DDHD1: variants seen among roughly 807,000 people sequenced by gnomAD.
DDHD1 encodes the protein DDHD domain containing 1, also known as phospholipase DDHD1.
In DDHD1, 49 loss-of-function variants were observed where a neutral mutation model predicts 96.4. The observed-to-expected ratio is 0.51, with a 90% CI of 0.40 to 0.64. The LOEUF (loss-of-function observed/expected upper bound fraction) is 0.64. Among genes scored for constraint, DDHD1 ranks in the 30% least tolerant of loss-of-function variants. DDHD1 has a pLI of 0.00. For missense variants in DDHD1, 1,106 were observed against 1,161.2 expected, an observed-to-expected ratio of 0.95 and a Z score of 0.69; for synonymous variants, 442 against 446.5, an observed-to-expected ratio of 0.99 and a Z score of 0.13.
intron 1 of DDHD1, among the ~76,000 whole-genome samples, chr14:53,139,894 G>A (rs142616972): frequency 4.1e-5 from 6 of 147,344 alleles, no homozygotes; most frequent in African/African-American, 1.5e-4. Context: ...GCCCACAGAT[G>A]CTGGAACTAT....
chr14:53,133,551 C>T (rs531712490), intron 1 of DDHD1, among the ~76,000 whole-genome samples: 1 of 152,278 alleles, frequency 6.6e-6, no homozygotes, highest in East Asian at 1.9e-4. Flanking sequence ...TTTAAAGACA[C>T]ACCTCACCAA....
chr14:53,073,225 G>C (rs2139915352), intron 5 of DDHD1, among the ~76,000 whole-genome samples: 1 of 152,034 alleles, frequency 6.6e-6, no homozygotes, highest in Middle Eastern at 3.4e-3. Context: ...CAACTAAACT[G>C]ATTTTATTTA....
intron 4 of DDHD1, among the ~76,000 whole-genome samples, chr14:53,081,326 CAT>C: frequency 6.6e-6 from 1 of 152,268 alleles, no homozygotes; most frequent in Middle Eastern, 3.4e-3. Flanking sequence ...CAAGGAAGAA[CAT>C]ATTTAAAAAT....
At chr14:53,096,189 G>A (rs768132404) in intron 2 of DDHD1, 8 of 985,100 alleles carry the variant, frequency 8.1e-6, no homozygotes, top group Admixed American at 6.2e-5. Flanking sequence ...AACAGAGAAG[G>A]GAGGGAGAAG....
chr14:53,059,785 A>T (rs1883383738), intron 8 of DDHD1, among the ~76,000 whole-genome samples: 2 of 145,728 alleles, frequency 1.4e-5, no homozygotes, highest in South Asian at 4.5e-4. Context: ...AATCACTTGA[A>T]TCGGAGGGGC....
intron 2 of DDHD1, among the ~76,000 whole-genome samples, chr14:53,101,171 G>A (rs1887266742): frequency 6.6e-6 from 1 of 152,204 alleles, no homozygotes; most frequent in African/African-American, 2.4e-5. Context: ...AGAGCTAACA[G>A]TAAATTAAAA....
intron 1 of DDHD1, among the ~76,000 whole-genome samples, chr14:53,123,676 T>C (rs1010862150): frequency 2.0e-5 from 3 of 152,066 alleles, no homozygotes; most frequent in African/African-American, 4.8e-5. Flanking sequence ...AATGAGACTG[T>C]TTACATAAAG....
chr14:53,122,670 T>C (rs985192467), intron 1 of DDHD1, among the ~76,000 whole-genome samples: 3 of 151,466 alleles, frequency 2.0e-5, no homozygotes, highest in South Asian at 2.1e-4. Flanking sequence ...GCAGTTCTCC[T>C]GCCTTAGCCT....
intron 1 of DDHD1, among the ~76,000 whole-genome samples, chr14:53,144,291 T>C (rs1456900510): frequency 6.6e-6 from 1 of 152,254 alleles, no homozygotes; most frequent in Non-Finnish European, 1.5e-5. Context: ...ATAATAGTGA[T>C]TGGCTATACA....
chr14:53,056,403 A>G (rs921505910), intron 9 of DDHD1, among the ~76,000 whole-genome samples: 1 of 152,204 alleles, frequency 6.6e-6, no homozygotes, highest in African/African-American at 2.4e-5. Context: ...ACGGCATCAG[A>G]ATCCCCCAAA....
chr14:53,055,034 T>G (rs1046628970), intron 10 of DDHD1, among the ~76,000 whole-genome samples: 1 of 152,202 alleles, frequency 6.6e-6, no homozygotes, highest in African/African-American at 2.4e-5. Flanking sequence ...AACAATGTAT[T>G]AACATGAGAA....
intron 2 of DDHD1, chr14:53,103,006 A>T: frequency 6.4e-7 from 1 of 1,552,852 alleles, no homozygotes; most frequent in South Asian, 1.2e-5. Context: ...TACAAATTCT[A>T]ATCTACCTGT....
intron 2 of DDHD1, among the ~76,000 whole-genome samples, chr14:53,099,126 C>G (rs1174188627): frequency 6.6e-6 from 1 of 151,434 alleles, no homozygotes; most frequent in Non-Finnish European, 1.5e-5. Flanking sequence ...ATTTTAATTC[C>G]TCTACTAGAC....
chr14:53,148,352 G>A (rs141440113), intron 1 of DDHD1, among the ~76,000 whole-genome samples: 9 of 150,610 alleles, frequency 6.0e-5, no homozygotes, highest in Non-Finnish European at 2.9e-5. Context: ...TGCTCTTGTC[G>A]CCCAGGCTGG....
intron 1 of DDHD1, among the ~76,000 whole-genome samples, chr14:53,151,367 C>A (rs373728595): frequency 5.3e-5 from 8 of 152,282 alleles, no homozygotes; most frequent in African/African-American, 1.9e-4. Flanking sequence ...TATTGAATAT[C>A]TCCTATATAT....
intron 4 of DDHD1, among the ~76,000 whole-genome samples, chr14:53,082,940 A>G (rs1456858410): frequency 2.6e-5 from 4 of 152,092 alleles, no homozygotes; most frequent in African/African-American, 9.7e-5. Flanking sequence ...TATAGCATGC[A>G]CCTTTTGTGT....
At chr14:53,057,493 T>C (rs1008798871) in intron 9 of DDHD1, among the ~76,000 whole-genome samples, 1 of 152,212 alleles carries the variant, frequency 6.6e-6, no homozygotes, top group Non-Finnish European at 1.5e-5. Flanking sequence ...AAGTTTTATT[T>C]TGATGTTCAG....
intron 8 of DDHD1, among the ~76,000 whole-genome samples, chr14:53,058,994 T>C (rs1883301353): frequency 6.6e-6 from 1 of 152,238 alleles, no homozygotes; most frequent in Non-Finnish European, 1.5e-5. Context: ...ACTCAAAATT[T>C]ACAGTCCTGT....
intron 4 of DDHD1, among the ~76,000 whole-genome samples, chr14:53,076,848 T>C (rs1297023690): frequency 6.6e-6 from 1 of 152,186 alleles, no homozygotes; most frequent in African/African-American, 2.4e-5. Flanking sequence ...CATTTAGCAG[T>C]ACAGCATTTT....
Sources: allele counts gnomAD v4.1 joint callset (sites outside exome capture counted in the v4.1 genomes callset), GRCh38; gene constraint gnomAD v4.1.1; transcripts MANE v1.5; gene names NCBI Gene and HGNC (gene_info 2026-07-23, HGNC 2026-07-21).